Variants in ASIC2 observed in about 807,000 individuals in gnomAD.
ASIC2 encodes acid sensing ion channel subunit 2.
A neutral mutation model predicts 57.3 loss-of-function variants in ASIC2; 25 were observed. The observed-to-expected ratio is 0.44, with a 90% CI of 0.32 to 0.61. ASIC2 has a LOEUF of 0.61. Among genes scored for constraint, ASIC2 ranks in the 20% least tolerant of loss-of-function variants. The probability of loss-of-function intolerance (pLI) is 0.06; values close to 1 mark genes in which losing one functional copy is unlikely to be tolerated. For synonymous variants in ASIC2, 319 were observed against 307.5 expected (o/e 1.04, Z -0.39); for missense variants, 641 against 738.1 (o/e 0.87, Z 1.52).
At chr17:33,748,726 TCTAGAA>T (rs1910338394) in intron 1 of ASIC2, among the ~76,000 whole-genome samples, 1 of 152,210 alleles carries the variant, frequency 6.6e-6, no homozygotes, top group South Asian at 2.1e-4. Context: ...GCCTTACGGC[TCTAGAA>T]CTCCAGGATG....
intron 1 of ASIC2, among the ~76,000 whole-genome samples, chr17:34,108,373 T>A (rs190825456): frequency 6.6e-6 from 1 of 152,066 alleles, no homozygotes; most frequent in Admixed American, 6.5e-5. Flanking sequence ...TTGAAATATT[T>A]TATAATTTTT....
At chr17:33,842,629 G>T (rs1446582388) in intron 1 of ASIC2, among the ~76,000 whole-genome samples, 2 of 152,170 alleles carry the variant, frequency 1.3e-5, no homozygotes, top group East Asian at 1.9e-4. Flanking sequence ...GAGAAACAGA[G>T]AATTAGGAAG....
intron 1 of ASIC2, among the ~76,000 whole-genome samples, chr17:33,776,029 A>T (rs1471992291): frequency 6.6e-6 from 1 of 150,720 alleles, no homozygotes; most frequent in East Asian, 2.0e-4. Flanking sequence ...ACTACTTGGG[A>T]GGCTGAGGCA....
chr17:33,524,946 A>T (rs377008007), intron 1 of ASIC2, among the ~76,000 whole-genome samples: 1 of 152,030 alleles, frequency 6.6e-6, no homozygotes, highest in Non-Finnish European at 1.5e-5. Flanking sequence ...GGAGCCCAGC[A>T]GCTCCCTTGG....
At chr17:33,562,344 C>A (rs965579879) in intron 1 of ASIC2, among the ~76,000 whole-genome samples, 1 of 152,036 alleles carries the variant, frequency 6.6e-6, no homozygotes, top group Non-Finnish European at 1.5e-5. Context: ...ACCTAGTGTA[C>A]GCTAGGTGCT....
At chr17:33,437,257 C>T (rs1459599873) in intron 1 of ASIC2, among the ~76,000 whole-genome samples, 2 of 152,170 alleles carry the variant, frequency 1.3e-5, no homozygotes, top group African/African-American at 4.8e-5. Flanking sequence ...AGCAATCCTC[C>T]TGCCTCAGCC....
chr17:33,238,572 A>G (rs1402695559), intron 1 of ASIC2, among the ~76,000 whole-genome samples: 1 of 151,754 alleles, frequency 6.6e-6, no homozygotes, highest in African/African-American at 2.4e-5. Flanking sequence ...CTCCTTTTCC[A>G]TCTCCTGCCC....
At position 33,380,807 on chromosome 17, in the gene ASIC2, A is replaced by G. The variant is rs530123722; in HGVS notation, c.556-268740T>C. Among the ~76,000 whole-genome samples, 18 of 152,342 alleles carry G rather than the reference A, an allele frequency of 1.2e-4. No individual in the cohort carries two copies. In the South Asian group the frequency reaches 2.9e-3, roughly 25 times the overall value. ...TCTCAAGTGCCTCATAATTGCTGCT[A>G]TTCCACAGATTGGCAGCCCTGATGT... is the stretch of plus-strand genomic sequence containing the variant. On this transcript the variant is annotated intron_variant, in intron 1 of 9. Transcript: ENST00000359872.
At chr17:34,023,158 G>A (rs906285088) in intron 1 of ASIC2, among the ~76,000 whole-genome samples, 2 of 152,014 alleles carry the variant, frequency 1.3e-5, no homozygotes, top group Non-Finnish European at 2.9e-5. Flanking sequence ...TTTACACAAT[G>A]TGAGAATGAA....
intron 1 of ASIC2, among the ~76,000 whole-genome samples, chr17:33,649,971 G>GA (rs1396283326): frequency 6.6e-6 from 1 of 152,040 alleles, no homozygotes; most frequent in Non-Finnish European, 1.5e-5. Flanking sequence ...GGTCCGTAAA[G>GA]AAAAAATTGA....
At chr17:34,025,769 C>G (rs1006872388) in intron 1 of ASIC2, among the ~76,000 whole-genome samples, 8 of 152,172 alleles carry the variant, frequency 5.3e-5, no homozygotes, top group Non-Finnish European at 1.0e-4. Flanking sequence ...GTTTCCTTAT[C>G]AACAAAAGAG....
intron 1 of ASIC2, among the ~76,000 whole-genome samples, chr17:33,392,824 A>G (rs1288488654): frequency 1.3e-5 from 2 of 152,282 alleles, no homozygotes; most frequent in South Asian, 4.1e-4. Context: ...TCTGAACGCT[A>G]TACTTTATAG....
chr17:33,809,774 C>CAAAA (rs1852068689), intron 1 of ASIC2, among the ~76,000 whole-genome samples: 1 of 152,216 alleles, frequency 6.6e-6, no homozygotes, highest in Non-Finnish European at 1.5e-5. Context: ...TTATTTAGTG[C>CAAAA]ATGAATGCTA....
intron 3 of ASIC2, among the ~76,000 whole-genome samples, chr17:33,061,960 T>C (rs1407058616): frequency 6.6e-6 from 1 of 152,226 alleles, no homozygotes; most frequent in Non-Finnish European, 1.5e-5. Context: ...GAGGTGTTTA[T>C]AATATTCTCT....
intron 1 of ASIC2, among the ~76,000 whole-genome samples, chr17:33,498,549 G>A (rs905407719): frequency 1.3e-5 from 2 of 152,196 alleles, no homozygotes; most frequent in Non-Finnish European, 2.9e-5. Flanking sequence ...CACTTGTGAG[G>A]AAAGAAGGCG....
intron 2 of ASIC2, among the ~76,000 whole-genome samples, chr17:33,110,308 G>C (rs1168309382): frequency 1.3e-5 from 2 of 152,296 alleles, no homozygotes; most frequent in African/African-American, 2.4e-5. Flanking sequence ...GTTGTCTACA[G>C]GCCCCCACGG....
At chr17:33,396,708 C>T (rs1346546380) in intron 1 of ASIC2, among the ~76,000 whole-genome samples, 1 of 152,212 alleles carries the variant, frequency 6.6e-6, no homozygotes, top group African/African-American at 2.4e-5. Context: ...TAGCATTTCT[C>T]ATCATGGGGA....
At position 34,018,230 on chromosome 17, in the gene ASIC2, G is replaced by A. The variant is rs1214594767; in HGVS notation, c.555+137748C>T. On this transcript the variant is annotated intron_variant, in intron 1 of 9. Coordinates refer to the ASIC2 transcript ENST00000359872. ...AATCTACACTGTCTGTGCTCTATAAGTGGAACAACAAAGCCTGGATGTCAG... is the reference window on the plus strand; with the variant it reads ...AATCTACACTGTCTGTGCTCTATAAATGGAACAACAAAGCCTGGATGTCAG... Among the ~76,000 whole-genome samples, 3 of 152,164 alleles carry A rather than the reference G, an allele frequency of 2.0e-5. No individual in the cohort carries two copies. The East Asian group carries it at 5.8e-4, about 29-fold the overall frequency.
At chr17:33,210,654 T>C (rs1299901019) in intron 1 of ASIC2, among the ~76,000 whole-genome samples, 1 of 152,194 alleles carries the variant, frequency 6.6e-6, no homozygotes, top group Non-Finnish European at 1.5e-5. Flanking sequence ...GTGAGCACCT[T>C]CTACTTAGCA....
Sources: gnomAD v4.1 joint callset for allele counts (sites outside exome capture counted in the v4.1 genomes callset) on GRCh38, gnomAD v4.1.1 for gene constraint, MANE v1.5 for transcripts, NCBI Gene and HGNC (gene_info 2026-07-23, HGNC 2026-07-21) for gene names.